SESTD1: variants seen among roughly 807,000 people sequenced by gnomAD.
The protein encoded by SESTD1 is SEC14 and spectrin domain containing 1.
SESTD1 carries 43 observed loss-of-function variants against 101.7 expected under a neutral mutation model. The observed-to-expected ratio is 0.42, with a 90% CI of 0.33 to 0.55. The LOEUF (loss-of-function observed/expected upper bound fraction) is 0.55, where lower values mean the gene tolerates loss of function less well. Among genes scored for constraint, SESTD1 ranks in the 20% least tolerant of loss-of-function variants. SESTD1 has a pLI of 0.07. For synonymous variants in SESTD1, 283 were observed against 286.8 expected, an observed-to-expected ratio of 0.99 and a Z score of 0.13; for missense variants, 647 against 815.1, an observed-to-expected ratio of 0.79 and a Z score of 2.51.
intron 1 of SESTD1, among the ~76,000 whole-genome samples, chr2:179,195,487 T>C (rs944909093): frequency 6.6e-6 from 1 of 152,250 alleles, no homozygotes. Flanking sequence ...CAGGTATTTC[T>C]TTATAGCAGT....
chr2:179,132,374 C>T lies in SESTD1; in HGVS notation c.902G>A (p.Gly301Asp). 1 of 1,568,194 alleles carries T rather than the reference C, an allele frequency of 6.4e-7. No individual in the cohort carries two copies. The highest frequency in any genetic ancestry group is 1.2e-5 in the South Asian group (1 of 82,838). The change falls in exon 10 of 18, where the codon GGC becomes GAC. Residue 301 changes from glycine (G) to aspartate (D), a missense_variant. By Grantham distance (94) the Gly-to-Asp change is moderately conservative. Around this residue, in one of 3 missense-constraint regions of SESTD1, gnomAD observed 476 missense variants for 562.6 expected, o/e 0.85. Coordinates refer to ENST00000428443, the MANE Select transcript of SESTD1 (RefSeq NM_178123.5). ...PGSEQLRAQW[G>D]IGDSIRASQA... ...GGAGGCCCTAATGGAGTCTCCAATG[C>T]CCCACTGGGCTCTTAGTTGTTCTGA...
rs541542353 is a variant in SESTD1 at position 179,118,755 on chromosome 2, G to C, written c.1443-1142C>G. On this transcript the variant is annotated intron_variant, in intron 13 of 17. Coordinates refer to ENST00000428443, the MANE Select transcript of SESTD1 (RefSeq NM_178123.5). ...CAGGTATTAGATAATGTGTGCTGGG[G>C]AAAATATAAGATATGGTCTCTACTA... Among the ~76,000 whole-genome samples the C allele has an allele frequency of 7.9e-5, 12 of 152,266 alleles. No individual in the cohort carries two copies. In the East Asian group the frequency reaches 2.3e-3, roughly 29 times the overall value.
At chr2:179,230,445 T>A (rs1015895534) in intron 1 of SESTD1, among the ~76,000 whole-genome samples, 2 of 151,980 alleles carry the variant, frequency 1.3e-5, no homozygotes, top group African/African-American at 4.8e-5. Flanking sequence ...CTGAATTGTA[T>A]CTCTTTAAAC....
At chr2:179,206,688 C>T (rs916439464) in intron 1 of SESTD1, among the ~76,000 whole-genome samples, 4 of 134,772 alleles carry the variant, frequency 3.0e-5, no homozygotes, top group African/African-American at 1.2e-4. Flanking sequence ...GAGTAGGGGG[C>T]AAATGGGAAG....
intron 4 of SESTD1, among the ~76,000 whole-genome samples, chr2:179,174,778 T>C (rs1309980864): frequency 1.3e-5 from 2 of 151,918 alleles, no homozygotes; most frequent in South Asian, 2.1e-4. Flanking sequence ...TGGAGCAATA[T>C]AGTCTCTACA....
rs1423232188 is a variant in SESTD1 at position 179,201,534 on chromosome 2, C to T, written c.-25-9668G>A. On this transcript the variant is annotated intron_variant, in intron 1 of 17. Transcript: ENST00000428443. ...GCTTGGAACCAACCCAAATGTCCAA[C>T]AATGATAGACTGGATTAAGAAAATG... Among the ~76,000 whole-genome samples, 20 of 132,598 alleles carry T rather than the reference C, an allele frequency of 1.5e-4. 4 individuals are homozygous for T. Among genetic ancestry groups the T allele is most frequent in the Admixed American group, 2.9e-4 (4 of 13,658 alleles). The allele number at this position is 132,598 out of a possible 152,430, so 87.0% of individuals were successfully genotyped here.
intron 1 of SESTD1, among the ~76,000 whole-genome samples, chr2:179,194,676 T>C (rs188160755): frequency 3.9e-5 from 6 of 152,212 alleles, no homozygotes; most frequent in Admixed American, 3.3e-4. Context: ...CAGAAGGAAA[T>C]ATCATAATCA....
chr2:179,115,196 G>C lies in SESTD1; in HGVS notation c.1708C>G (p.Arg570Gly), dbSNP rs1207696808. 1.2e-6 allele frequency: 2 copies of C among 1,613,516 alleles called. No individual in the cohort carries two copies. The highest frequency in any genetic ancestry group is 1.7e-6 in the Non-Finnish European group (2 of 1,179,916). The change falls in exon 16 of 18, where the codon CGC becomes GGC. Residue 570 changes from arginine to glycine, a missense_variant. Physicochemically the swap from Arg to Gly is moderately radical, Grantham distance 125. Coordinates refer to ENST00000428443, the MANE Select transcript of SESTD1 (RefSeq NM_178123.5). Reference sequence around the variant, plus strand: ...TCCCCAGATGACCGAGAAGTGCAGCGCAAAGATTGGCATAACACAACTGTG... The same window carrying C: ...TCCCCAGATGACCGAGAAGTGCAGCCCAAAGATTGGCATAACACAACTGTG... ...QATVVLCQSL[R>G]CTSRSSGDTL...
At chr2:179,151,916 G>A (rs1284461230) in intron 5 of SESTD1, among the ~76,000 whole-genome samples, 2 of 152,068 alleles carry the variant, frequency 1.3e-5, no homozygotes, top group Admixed American at 6.5e-5. Flanking sequence ...AAAATTAGAA[G>A]ATCAGAGTAT....
intron 5 of SESTD1, among the ~76,000 whole-genome samples, 168 bp from the exon 6 acceptor site, chr2:179,151,559 A>G (rs187572566): frequency 7.9e-5 from 12 of 152,338 alleles, no homozygotes; most frequent in Admixed American, 6.5e-4. Flanking sequence ...AGTTATAGAT[A>G]CCTGATAAAA....
chr2:179,213,350 A>G (rs2046676295), intron 1 of SESTD1, among the ~76,000 whole-genome samples: 1 of 135,114 alleles, frequency 7.4e-6, no homozygotes, highest in Non-Finnish European at 1.6e-5. Context: ...TTCAAGACGC[A>G]GGCACAAGCT....
At chr2:179,227,148 A>G (rs950073327) in intron 1 of SESTD1, among the ~76,000 whole-genome samples, 1 of 151,942 alleles carries the variant, frequency 6.6e-6, no homozygotes, top group Non-Finnish European at 1.5e-5. Flanking sequence ...GGCTTACTTG[A>G]CTTTACTACT....
intron 1 of SESTD1, among the ~76,000 whole-genome samples, chr2:179,219,627 A>T (rs962309028): frequency 6.6e-6 from 1 of 152,246 alleles, no homozygotes; most frequent in Admixed American, 6.5e-5. Flanking sequence ...CACTCCACAT[A>T]TTCATATATA....
intron 1 of SESTD1, among the ~76,000 whole-genome samples, chr2:179,230,830 C>T (rs1242249968): frequency 6.6e-6 from 1 of 151,784 alleles, no homozygotes; most frequent in Non-Finnish European, 1.5e-5. Flanking sequence ...ATTAAGAGAA[C>T]CCACTAATGT....
chr2:179,169,917 T>G (rs891226807), intron 5 of SESTD1, among the ~76,000 whole-genome samples: 28 of 147,650 alleles, frequency 1.9e-4, no homozygotes, highest in Non-Finnish European at 3.8e-4. Flanking sequence ...GAGGTTGCAG[T>G]GAGCCGAGGT....
intron 1 of SESTD1, among the ~76,000 whole-genome samples, chr2:179,217,048 A>G (rs1476462639): frequency 6.6e-6 from 1 of 152,100 alleles, no homozygotes; most frequent in Non-Finnish European, 1.5e-5. Context: ...AAACCTAGGC[A>G]ATACCATTCA....
rs77040829 is a variant in SESTD1 at position 179,247,942 on chromosome 2, T to C, written c.-26+16557A>G. Reference sequence around the variant, plus strand: ...AATATATGGAACATAGCTAAGGCAATGCTGAAGGGAAATTTATAGCACTAA... The same window carrying C: ...AATATATGGAACATAGCTAAGGCAACGCTGAAGGGAAATTTATAGCACTAA... On this transcript the variant is annotated intron_variant, in intron 1 of 17. Transcript: ENST00000428443. Among the ~76,000 whole-genome samples the C allele has an allele frequency of 8.5e-3, 1,286 of 151,930 alleles. 10 individuals carry two copies. Among genetic ancestry groups the C allele is most frequent in the African/African-American group, 0.029 (1,198 of 41,396 alleles).
chr2:179,258,408 A>G (rs1445742612), intron 1 of SESTD1, among the ~76,000 whole-genome samples: 1 of 152,182 alleles, frequency 6.6e-6, no homozygotes, highest in Non-Finnish European at 1.5e-5. Context: ...AATATCACTG[A>G]ACCTGATCAA....
At chr2:179,196,705 C>G (rs2046402219) in intron 1 of SESTD1, among the ~76,000 whole-genome samples, 1 of 152,158 alleles carries the variant, frequency 6.6e-6, no homozygotes, top group African/African-American at 2.4e-5. Flanking sequence ...CAGACTGACA[C>G]CTCACACGGC....
Sources: allele counts gnomAD v4.1 joint callset (sites outside exome capture counted in the v4.1 genomes callset), GRCh38; gene constraint gnomAD v4.1.1; regional missense constraint gnomAD v4.1.1; transcripts MANE v1.5; gene names NCBI Gene and HGNC (gene_info 2026-07-23, HGNC 2026-07-21).